DLGAP1: variants seen among roughly 807,000 people sequenced by gnomAD.
The protein encoded by DLGAP1 is DLG associated protein 1.
DLGAP1 carries 11 observed loss-of-function variants against 90.8 expected under a neutral mutation model. The observed-to-expected ratio is 0.12, with a 90% CI of 0.08 to 0.20. The LOEUF (loss-of-function observed/expected upper bound fraction) is 0.20. DLGAP1 is among the 10% of genes least tolerant of loss of function. DLGAP1 has a pLI of 1.00. For synonymous variants in DLGAP1, 558 were observed against 540.7 expected (o/e 1.03, Z -0.44); for missense variants, 1,050 against 1,333.8 (o/e 0.79, Z 3.31).
At chr18:3,664,020 T>C (rs902521505) in intron 7 of DLGAP1, among the ~76,000 whole-genome samples, 4 of 152,110 alleles carry the variant, frequency 2.6e-5, no homozygotes, top group Non-Finnish European at 5.9e-5. Context: ...AGTCTTCTCT[T>C]CCCTTTGGAC....
At chr18:3,604,503 T>C (rs2057233147) in intron 7 of DLGAP1, 1 of 152,100 alleles carries the variant, frequency 6.6e-6, no homozygotes, top group Non-Finnish European at 1.5e-5. Context: ...ATTTCTCAAG[T>C]GGTGATACCT....
chr18:4,179,104 G>A (rs751214923), intron 1 of DLGAP1, among the ~76,000 whole-genome samples: 50 of 152,126 alleles, frequency 3.3e-4, no homozygotes, highest in Non-Finnish European at 4.7e-4. Context: ...GGACAACAAA[G>A]CAGAGATTAA....
intron 1 of DLGAP1, among the ~76,000 whole-genome samples, chr18:4,361,984 G>A (rs761357222): frequency 8.5e-5 from 13 of 152,062 alleles, no homozygotes; most frequent in Non-Finnish European, 1.6e-4. Flanking sequence ...ATGAAAAGAT[G>A]GTCAACATCA....
intron 7 of DLGAP1, among the ~76,000 whole-genome samples, chr18:3,609,729 C>A (rs758211438): frequency 1.3e-5 from 2 of 151,556 alleles, no homozygotes; most frequent in Admixed American, 1.3e-4. Context: ...TCTTTCCTTC[C>A]TAGATTATGT....
intron 2 of DLGAP1, among the ~76,000 whole-genome samples, chr18:4,005,548 G>T (rs990069901): frequency 6.6e-6 from 1 of 152,162 alleles, no homozygotes; most frequent in Non-Finnish European, 1.5e-5. Flanking sequence ...GGCATGTTGT[G>T]TGAGTCACGT....
intron 1 of DLGAP1, among the ~76,000 whole-genome samples, chr18:4,257,973 A>G (rs60634395): frequency 0.026 from 3,670 of 141,384 alleles, 47 homozygotes; most frequent in East Asian, 0.04. Flanking sequence ...AGTTATACAT[A>G]TGTGTGTGTG....
At chr18:3,898,019 C>A (rs369410402) in intron 3 of DLGAP1, among the ~76,000 whole-genome samples, 3 of 152,096 alleles carry the variant, frequency 2.0e-5, no homozygotes, top group South Asian at 2.1e-4. Flanking sequence ...TGGTCTCGAT[C>A]TCCTGACCTC....
rs897832599 is a variant in DLGAP1, at chr18:4,238,310, A to T, written c.-266-87023T>A. On this transcript the variant is annotated intron_variant, in intron 1 of 12. Transcript: ENST00000315677. The stretch of plus-strand genomic sequence containing the variant: ...AAATAGACATTCCAAACTATTTTCT[A>T]CTGAAAACCCAAGGTCAGGTTTATA... Among the ~76,000 whole-genome samples, 4 of 152,300 alleles carry T rather than the reference A, an allele frequency of 2.6e-5. No individual in the cohort carries two copies. In the East Asian group the frequency reaches 7.7e-4, roughly 29 times the overall value.
chr18:3,583,255 TCCC>T, intron 7 of DLGAP1, among the ~76,000 whole-genome samples: 1 of 150,860 alleles, frequency 6.6e-6, no homozygotes, highest in Non-Finnish European at 1.5e-5. Context: ...CCTCTGTGTT[TCCC>T]CACCTCCTTC....
intron 2 of DLGAP1, among the ~76,000 whole-genome samples, chr18:4,140,568 C>A (rs1262690789): frequency 6.6e-6 from 1 of 151,800 alleles, no homozygotes; most frequent in Non-Finnish European, 1.5e-5. Flanking sequence ...GTTTATACAC[C>A]ACAATTTACA....
chr18:4,048,619 A>G (rs2075089499), intron 2 of DLGAP1, among the ~76,000 whole-genome samples: 1 of 152,220 alleles, frequency 6.6e-6, no homozygotes, highest in South Asian at 2.1e-4. Flanking sequence ...GAGAATCTGA[A>G]AACTGTGACC....
At chr18:4,021,527 C>A (rs1329942219) in intron 2 of DLGAP1, among the ~76,000 whole-genome samples, 2 of 152,186 alleles carry the variant, frequency 1.3e-5, no homozygotes, top group Non-Finnish European at 2.9e-5. Flanking sequence ...GCCTCCAGAA[C>A]CTCAAGAGAA....
chr18:4,441,884 C>T (rs1333507260), intron 1 of DLGAP1, among the ~76,000 whole-genome samples: 1 of 152,218 alleles, frequency 6.6e-6, no homozygotes, highest in East Asian at 1.9e-4. Context: ...GGTTAGGCAT[C>T]AGCAGAATAT....
intron 2 of DLGAP1, among the ~76,000 whole-genome samples, chr18:4,017,576 C>A (rs2074543308): frequency 6.6e-6 from 1 of 152,158 alleles, no homozygotes; most frequent in African/African-American, 2.4e-5. Flanking sequence ...TTTCTGGAAA[C>A]CCAATGTAGC....
At chr18:4,278,205 ACTT>A (rs2079460974) in intron 1 of DLGAP1, among the ~76,000 whole-genome samples, 1 of 152,104 alleles carries the variant, frequency 6.6e-6, no homozygotes, top group Non-Finnish European at 1.5e-5. Flanking sequence ...TTTATATAGT[ACTT>A]CTTTTCTCAG....
intron 4 of DLGAP1, among the ~76,000 whole-genome samples, chr18:3,833,775 T>A (rs2068200254): frequency 6.6e-6 from 1 of 152,208 alleles, no homozygotes; most frequent in Non-Finnish European, 1.5e-5. Flanking sequence ...ATGATAAATT[T>A]ACCTGAATAA....
intron 2 of DLGAP1, among the ~76,000 whole-genome samples, chr18:4,066,494 C>T (rs1350305327): frequency 6.6e-6 from 1 of 151,836 alleles, no homozygotes; most frequent in South Asian, 2.1e-4. Context: ...AAAAACAACC[C>T]CATTAAAAAG....
intron 4 of DLGAP1, among the ~76,000 whole-genome samples, chr18:3,871,790 G>C (rs1419719852): frequency 2.0e-5 from 3 of 152,188 alleles, no homozygotes; most frequent in Non-Finnish European, 4.4e-5. Flanking sequence ...ATGAATCAGA[G>C]ATCAAAAACA....
At chr18:4,078,827 T>C (rs995455127) in intron 2 of DLGAP1, among the ~76,000 whole-genome samples, 1 of 152,154 alleles carries the variant, frequency 6.6e-6, no homozygotes, top group Non-Finnish European at 1.5e-5. Context: ...GATTCTTAAG[T>C]GAAACATGGT....
Sources: gnomAD v4.1 joint callset for allele counts (sites outside exome capture counted in the v4.1 genomes callset) on GRCh38, gnomAD v4.1.1 for gene constraint, MANE v1.5 for transcripts, NCBI Gene and HGNC (gene_info 2026-07-23, HGNC 2026-07-21) for gene names.